The following GALNT1 variants were observed in gnomAD, a reference collection of about 807,000 sequenced individuals.
GALNT1 encodes polypeptide N-acetylgalactosaminyltransferase 1.
Under a neutral mutation model 65.7 loss-of-function variants are expected in GALNT1, and 17 were observed. The observed-to-expected ratio is 0.26, with a 90% CI of 0.18 to 0.39. The LOEUF (loss-of-function observed/expected upper bound fraction) is 0.39. GALNT1 is among the 10% of genes least tolerant of loss of function. The probability of loss-of-function intolerance (pLI) is 1.00; values close to 1 mark genes in which losing one functional copy is unlikely to be tolerated. For missense variants in GALNT1, 460 were observed against 672.8 expected (o/e 0.68, Z 3.50); for synonymous variants, 210 against 219.7 (o/e 0.96, Z 0.39).
intron 3 of GALNT1, among the ~76,000 whole-genome samples, chr18:35,673,433 T>C (rs1348578502): frequency 2.0e-5 from 3 of 152,206 alleles, no homozygotes; most frequent in Admixed American, 2.0e-4. Context: ...AGCAATCTAC[T>C]TTATTTAAGC....
chr18:35,656,206 A>G (rs565595210), intron 2 of GALNT1, among the ~76,000 whole-genome samples: 3 of 152,334 alleles, frequency 2.0e-5, no homozygotes, highest in South Asian at 2.1e-4. Flanking sequence ...ATGGTGTTCT[A>G]TCTTAAATGT....
intron 2 of GALNT1, among the ~76,000 whole-genome samples, chr18:35,661,334 A>G (rs1051143014): frequency 2.0e-5 from 3 of 152,050 alleles, no homozygotes; most frequent in Non-Finnish European, 2.9e-5. Context: ...CCCCATTTCT[A>G]CTGAAAATAC....
Position 35,709,878 on chromosome 18 carries a change from T to G in GALNT1, c.*108T>G, listed in dbSNP as rs2048327609. 7.9e-7 allele frequency: 1 copy of G among 1,273,314 alleles called. No individual in the cohort carries two copies. Among genetic ancestry groups the G allele is most frequent in the African/African-American group, 1.5e-5 (1 of 66,730 alleles). 78.9% of individuals were successfully genotyped at this position (1,273,314 alleles called of 1,614,324 possible). ...AAAAAGGAAAAGTGCTTTCCTCCTCTGCAGGATGTAAGGTTTATCAGCCAT... is the reference window on the plus strand; with the variant it reads ...AAAAAGGAAAAGTGCTTTCCTCCTCGGCAGGATGTAAGGTTTATCAGCCAT... On this transcript the variant is annotated 3_prime_UTR_variant, in exon 12 of 12. Coordinates refer to ENST00000269195, the MANE Select transcript of GALNT1 (RefSeq NM_020474.4).
At chr18:35,597,795 A>G (rs2046523661) in intron 1 of GALNT1, among the ~76,000 whole-genome samples, 2 of 152,224 alleles carry the variant, frequency 1.3e-5, no homozygotes, top group African/African-American at 4.8e-5. Context: ...AACAGTTTAC[A>G]TCTTTTAAGT....
intron 1 of GALNT1, among the ~76,000 whole-genome samples, chr18:35,592,043 T>C (rs1412790465): frequency 6.6e-6 from 1 of 152,294 alleles, no homozygotes; most frequent in Non-Finnish European, 1.5e-5. Context: ...GTTGGAGCAC[T>C]GCATCTTGTT....
At chr18:35,709,507 A>T in intron 11 of GALNT1, 117 bp from the exon 12 acceptor site, 1 of 953,798 alleles carries the variant, frequency 1.0e-6, no homozygotes, top group Non-Finnish European at 1.5e-6. Context: ...GTTGTCTTTT[A>T]AATAATGTAT....
At chr18:35,648,619 T>G (rs1424759887) in intron 1 of GALNT1, among the ~76,000 whole-genome samples, 1 of 152,238 alleles carries the variant, frequency 6.6e-6, no homozygotes, top group Non-Finnish European at 1.5e-5. Flanking sequence ...CAACTTTTAG[T>G]TACTTCCAAA....
chr18:35,628,129 C>T (rs2046944738), intron 1 of GALNT1, among the ~76,000 whole-genome samples: 1 of 152,198 alleles, frequency 6.6e-6, no homozygotes, highest in South Asian at 2.1e-4. Flanking sequence ...TCTGTAGTCT[C>T]CACCTCTGGG....
intron 1 of GALNT1, among the ~76,000 whole-genome samples, chr18:35,637,107 C>T (rs945746268): frequency 2.6e-5 from 4 of 152,102 alleles, no homozygotes; most frequent in African/African-American, 7.2e-5. Context: ...TCCCTCTCCT[C>T]GGGTATCCCT....
rs770527090 is a variant in GALNT1 at position 35,703,520 on chromosome 18, T to C, written c.1410T>C (p.Tyr470=). 6.2e-6 allele frequency: 10 copies of C among 1,613,570 alleles called. No homozygotes were observed. The highest frequency in any genetic ancestry group is 7.6e-6 in the Non-Finnish European group (9 of 1,179,762). ...HGMGGNQVFS[Y]TANKEIRTDD... The stretch of plus-strand genomic sequence containing the variant: ...ATTTTTATTTCCAGGTTTTCTCTTA[T>C]ACTGCCAACAAAGAAATTAGAACAG... Residue 470 remains tyrosine (Y), a synonymous_variant, in exon 11 of 12, where the codon TAT becomes TAC. Transcript: ENST00000269195.
chr18:35,644,016 T>C (rs2047198892), intron 1 of GALNT1, among the ~76,000 whole-genome samples: 1 of 152,170 alleles, frequency 6.6e-6, no homozygotes, highest in South Asian at 2.1e-4. Context: ...TCTTAAAAAC[T>C]GACATTCCAC....
chr18:35,635,691 G>T (rs968847064), intron 1 of GALNT1, among the ~76,000 whole-genome samples: 1 of 151,976 alleles, frequency 6.6e-6, no homozygotes, highest in South Asian at 2.1e-4. Flanking sequence ...AATAATTGAT[G>T]GTAAAATAGC....
chr18:35,709,219 T>C (rs1021717098), intron 11 of GALNT1, among the ~76,000 whole-genome samples: 1 of 152,216 alleles, frequency 6.6e-6, no homozygotes, highest in African/African-American at 2.4e-5. Flanking sequence ...TGAAAATAGG[T>C]TGAGGATCCT....
At chr18:35,701,023 T>C (rs555578130) in intron 9 of GALNT1, among the ~76,000 whole-genome samples, 2 of 152,292 alleles carry the variant, frequency 1.3e-5, no homozygotes, top group South Asian at 2.1e-4. Flanking sequence ...GAAATAATTA[T>C]TTTTTGTGAA....
intron 1 of GALNT1, among the ~76,000 whole-genome samples, chr18:35,643,447 T>C (rs1025161422): frequency 6.6e-6 from 1 of 152,206 alleles, no homozygotes; most frequent in African/African-American, 2.4e-5. Context: ...TCTAAATAGA[T>C]GTTACAAACT....
At chr18:35,600,982 C>G (rs1181003959) in intron 1 of GALNT1, among the ~76,000 whole-genome samples, 2 of 150,072 alleles carry the variant, frequency 1.3e-5, no homozygotes, top group East Asian at 3.9e-4. Flanking sequence ...TTCCTTCCTT[C>G]TCTTTACTTT....
intron 1 of GALNT1, among the ~76,000 whole-genome samples, chr18:35,636,797 T>TG (rs1349002305): frequency 6.7e-6 from 1 of 149,632 alleles, no homozygotes; most frequent in Non-Finnish European, 1.5e-5. Context: ...TTTTTTTTTT[T>TG]TTTTTTTTTT....
chr18:35,601,638 A>T (rs1287268254), intron 1 of GALNT1, among the ~76,000 whole-genome samples: 1 of 152,152 alleles, frequency 6.6e-6, no homozygotes, highest in East Asian at 1.9e-4. Context: ...GTTTTACTTC[A>T]TCACGGTCAG....
At chr18:35,617,110 C>G (rs1198554404) in intron 1 of GALNT1, among the ~76,000 whole-genome samples, 1 of 152,084 alleles carries the variant, frequency 6.6e-6, no homozygotes, top group Non-Finnish European at 1.5e-5. Context: ...CAGCTCCCCC[C>G]TCCATTTCCT....
Sources: gnomAD v4.1 joint callset for allele counts (sites outside exome capture counted in the v4.1 genomes callset) on GRCh38, gnomAD v4.1.1 for gene constraint, MANE v1.5 for transcripts, NCBI Gene and HGNC (gene_info 2026-07-23, HGNC 2026-07-21) for gene names.